Variants in CNTNAP5 observed in about 807,000 individuals in gnomAD.
The protein encoded by CNTNAP5 is contactin-associated protein-like 5.
Under a neutral mutation model 150.2 loss-of-function variants are expected in CNTNAP5, and 72 were observed. That is an observed-to-expected ratio of 0.48 (90% CI 0.40 to 0.58). CNTNAP5 has a LOEUF of 0.58. Ranked by LOEUF, CNTNAP5 falls within the 20% of genes least tolerant of loss-of-function variation. The pLI, the probability that CNTNAP5 is intolerant of heterozygous loss-of-function variation, is 0.00. For synonymous variants in CNTNAP5, 672 were observed against 619.8 expected (o/e 1.08, Z -1.25); for missense variants, 1,636 against 1,626.2 (o/e 1.01, Z -0.10).
intron 6 of CNTNAP5, among the ~76,000 whole-genome samples, chr2:124,453,006 C>T (rs146023205): frequency 6.6e-6 from 1 of 152,138 alleles, no homozygotes; most frequent in East Asian, 1.9e-4. Context: ...AGCTTTCCAG[C>T]AATGGATCCA....
intron 1 of CNTNAP5, among the ~76,000 whole-genome samples, chr2:124,100,498 T>A (rs901963328): frequency 2.0e-5 from 3 of 152,208 alleles, no homozygotes; most frequent in Non-Finnish European, 4.4e-5. Flanking sequence ...AGGATTCAAA[T>A]CTAGCATTGT....
At chr2:124,555,444 A>G (rs7601703) in intron 10 of CNTNAP5, among the ~76,000 whole-genome samples, 11,976 of 152,294 alleles carry the variant, frequency 0.079, 524 homozygotes, top group African/African-American at 0.11. Flanking sequence ...CATGAAACCC[A>G]TATCACTGTA....
At chr2:124,329,761 ATTAAAG>A (rs1689303583) in intron 3 of CNTNAP5, among the ~76,000 whole-genome samples, 2 of 152,206 alleles carry the variant, frequency 1.3e-5, no homozygotes, top group African/African-American at 4.8e-5. Context: ...GAGGCTTCCC[ATTAAAG>A]TTAAGCCTCT....
intron 10 of CNTNAP5, among the ~76,000 whole-genome samples, chr2:124,562,877 A>G (rs1170779012): frequency 1.3e-5 from 2 of 149,110 alleles, no homozygotes; most frequent in African/African-American, 2.5e-5. Context: ...TTATCTTTAT[A>G]CATTTTATTT....
At chr2:124,231,872 TGAG>T (rs1686631197) in intron 2 of CNTNAP5, among the ~76,000 whole-genome samples, 1 of 151,884 alleles carries the variant, frequency 6.6e-6, no homozygotes, top group African/African-American at 2.4e-5. Context: ...AACCACATGA[TGAG>T]GAGGAGGAGA....
intron 13 of CNTNAP5, among the ~76,000 whole-genome samples, chr2:124,734,761 G>A (rs531978436): frequency 2.4e-4 from 37 of 151,994 alleles, no homozygotes; most frequent in African/African-American, 6.0e-4. Context: ...GTAACCTAAC[G>A]CATGCGATTT....
intron 21 of CNTNAP5, among the ~76,000 whole-genome samples, chr2:124,900,747 A>G (rs1316251874): frequency 6.6e-6 from 1 of 151,538 alleles, no homozygotes; most frequent in Non-Finnish European, 1.5e-5. Context: ...CAGAACTACA[A>G]TGACTTGCCA....
intron 10 of CNTNAP5, among the ~76,000 whole-genome samples, chr2:124,560,814 T>C (rs914512268): frequency 6.6e-6 from 1 of 152,212 alleles, no homozygotes; most frequent in Non-Finnish European, 1.5e-5. Flanking sequence ...GCTTGCTGCA[T>C]GTCAGCATAT....
At chr2:124,407,923 C>T (rs545294654) in intron 3 of CNTNAP5, among the ~76,000 whole-genome samples, 2 of 152,266 alleles carry the variant, frequency 1.3e-5, no homozygotes, top group East Asian at 3.9e-4. Context: ...CAGCTCCCAG[C>T]GTGAGCGACG....
intron 19 of CNTNAP5, among the ~76,000 whole-genome samples, chr2:124,820,100 G>T (rs1682452981): frequency 6.6e-6 from 1 of 152,090 alleles, no homozygotes; most frequent in Non-Finnish European, 1.5e-5. Context: ...AGTGTGCATT[G>T]TTTTTTCTTT....
At chr2:124,207,916 T>A (rs1222725723) in intron 1 of CNTNAP5, among the ~76,000 whole-genome samples, 1 of 152,210 alleles carries the variant, frequency 6.6e-6, no homozygotes, top group African/African-American at 2.4e-5. Context: ...TACCTGGACA[T>A]GTCCATATAA....
At position 124,339,267 on chromosome 2, in the gene CNTNAP5, C is replaced by T. The variant is rs546650962; in HGVS notation, c.382-78176C>T. On this transcript the variant is annotated intron_variant, in intron 3 of 23. Coordinates refer to ENST00000682447, the MANE Select transcript of CNTNAP5 (RefSeq NM_001367498.1). ...CACATTCTTTAACTTTATTCAATAA[C>T]GAGTCAAGGTAGGTCTCTTGTCAGG... Among the ~76,000 whole-genome samples the T allele has an allele frequency of 1.1e-4, 17 of 152,220 alleles. No individual in the cohort carries two copies. In the South Asian group the frequency reaches 1.7e-3, roughly 15 times the overall value.
chr2:124,600,935 A>C (rs1306509107), intron 11 of CNTNAP5, among the ~76,000 whole-genome samples: 1 of 152,222 alleles, frequency 6.6e-6, no homozygotes, highest in East Asian at 1.9e-4. Flanking sequence ...TCCACATTAC[A>C]AAATCCCCCA....
chr2:124,909,452 T>TGA (rs1295777531), intron 22 of CNTNAP5, among the ~76,000 whole-genome samples: 1 of 152,106 alleles, frequency 6.6e-6, no homozygotes, highest in African/African-American at 2.4e-5. Flanking sequence ...AATTGCCTAA[T>TGA]GACACATTTC....
Position 124,410,234 on chromosome 2 carries a change from C to T in CNTNAP5, c.382-7209C>T, listed in dbSNP as rs1384496690. 4.1e-5 allele frequency among the ~76,000 whole-genome samples: 6 copies of T among 147,662 alleles called. No homozygotes were observed. The East Asian group carries it at 6.2e-4, about 15-fold the overall frequency. On this transcript the variant is annotated intron_variant, in intron 3 of 23. Transcript: ENST00000682447. ...GAGCACCCAGATTCATAAAGCAAGTCCTGAGTGACCTACAAAGAGACTTAG... is the reference window on the plus strand; with the variant it reads ...GAGCACCCAGATTCATAAAGCAAGTTCTGAGTGACCTACAAAGAGACTTAG...
At chr2:124,362,274 G>A (rs529996980) in intron 3 of CNTNAP5, among the ~76,000 whole-genome samples, 4 of 152,186 alleles carry the variant, frequency 2.6e-5, no homozygotes, top group Non-Finnish European at 5.9e-5. Flanking sequence ...CGTCTTCTGC[G>A]TCGCTCACGC....
intron 6 of CNTNAP5, among the ~76,000 whole-genome samples, chr2:124,457,663 C>T (rs1261383908): frequency 6.6e-6 from 1 of 151,916 alleles, no homozygotes; most frequent in Non-Finnish European, 1.5e-5. Context: ...GATATTAAGC[C>T]CAGCACCCAT....
intron 1 of CNTNAP5, among the ~76,000 whole-genome samples, chr2:124,163,747 C>A (rs1052183450): frequency 3.9e-5 from 6 of 152,098 alleles, no homozygotes; most frequent in Non-Finnish European, 8.8e-5. Flanking sequence ...TCTCCTCTTT[C>A]ATTTCATTTC....
intron 19 of CNTNAP5, among the ~76,000 whole-genome samples, chr2:124,849,288 T>C (rs1366569607): frequency 2.6e-5 from 4 of 152,204 alleles, no homozygotes; most frequent in Admixed American, 2.0e-4. Flanking sequence ...TGATCACAAA[T>C]GTATAGGTTT....
Sources: allele counts gnomAD v4.1 joint callset (sites outside exome capture counted in the v4.1 genomes callset), GRCh38; gene constraint gnomAD v4.1.1; transcripts MANE v1.5; gene names NCBI Gene and HGNC (gene_info 2026-07-23, HGNC 2026-07-21).